SLC25A13: variants seen among roughly 807,000 people sequenced by gnomAD.
SLC25A13 encodes solute carrier family 25 member 13.
Under a neutral mutation model 85.5 loss-of-function variants are expected in SLC25A13, and 70 were observed. That is an observed-to-expected ratio of 0.82 (90% CI 0.68 to 1.00). The LOEUF (loss-of-function observed/expected upper bound fraction) is 1.00, where lower values mean the gene tolerates loss of function less well. Among genes scored for constraint, SLC25A13 ranks in the 50% least tolerant of loss-of-function variants. The pLI, the probability that SLC25A13 is intolerant of heterozygous loss-of-function variation, is 0.00. For synonymous variants in SLC25A13, 259 were observed against 288.7 expected (o/e 0.90, Z 1.04); for missense variants, 765 against 819.8 (o/e 0.93, Z 0.82).
chr7:96,163,658 T>C (rs1467696641), intron 13 of SLC25A13, among the ~76,000 whole-genome samples: 1 of 152,216 alleles, frequency 6.6e-6, no homozygotes, highest in African/African-American at 2.4e-5. Context: ...TGGCATGCAC[T>C]GTGGACACAG....
rs762899051 is a variant in SLC25A13, at chr7:96,296,933, C to T, written c.34G>A (p.Ala12Thr). Residue 12 changes from alanine (A) to threonine (T), a missense_variant, in exon 2 of 18, where the codon GCA (alanine) becomes ACA (threonine). Physicochemically the swap from Ala to Thr is moderately conservative, Grantham distance 58 (BLOSUM62 0). Coordinates refer to ENST00000265631, the MANE Select transcript of SLC25A13 (RefSeq NM_014251.3). ...AAAKVALTKR[A>T]DPAELRTIFL... ...ATTGTTCTAAGCTCAGCTGGATCTG[C>T]TCTCTTGGTTAAAGCCACCTATAAA... 6.2e-7 allele frequency: 1 copy of T among 1,613,638 alleles called. No individual in the cohort carries two copies. The highest frequency in any genetic ancestry group is 8.5e-7 in the Non-Finnish European group (1 of 1,179,666).
At chr7:96,163,841 A>T (rs1013213380) in intron 13 of SLC25A13, among the ~76,000 whole-genome samples, 3 of 152,122 alleles carry the variant, frequency 2.0e-5, no homozygotes, top group African/African-American at 7.2e-5. Flanking sequence ...CACCTATTCC[A>T]TTCCCCTTCA....
intron 13 of SLC25A13, among the ~76,000 whole-genome samples, chr7:96,164,421 T>A (rs965587522): frequency 1.3e-5 from 2 of 152,170 alleles, no homozygotes; most frequent in African/African-American, 4.8e-5. Context: ...GGAGGCAGCA[T>A]TAATGAAAAA....
rs1369221781 is a variant in SLC25A13, at chr7:96,230,292, G to C, written c.328+4510C>G. 2.0e-5 allele frequency among the ~76,000 whole-genome samples: 3 copies of C among 152,202 alleles called. No individual in the cohort carries two copies. The South Asian group carries it at 6.2e-4, about 31-fold the overall frequency. On this transcript the variant is annotated intron_variant, in intron 4 of 17. Coordinates refer to ENST00000265631, the MANE Select transcript of SLC25A13 (RefSeq NM_014251.3). Reference sequence around the variant, plus strand: ...AAAACAGGCAAAACCAATTGATAGTGATAAATGTCAGTTGTTACCATTGGG... The same window carrying C: ...AAAACAGGCAAAACCAATTGATAGTCATAAATGTCAGTTGTTACCATTGGG...
intron 2 of SLC25A13, among the ~76,000 whole-genome samples, chr7:96,278,721 C>A (rs1179696703): frequency 6.6e-6 from 1 of 152,152 alleles, no homozygotes; most frequent in Non-Finnish European, 1.5e-5. Flanking sequence ...TTACAGTTAA[C>A]ATTTTTTTTA....
chr7:96,212,684 G>C (rs1795746299), intron 4 of SLC25A13, among the ~76,000 whole-genome samples: 1 of 152,184 alleles, frequency 6.6e-6, no homozygotes, highest in African/African-American at 2.4e-5. Flanking sequence ...GGATCACTGA[G>C]ACATGATAGA....
At chr7:96,171,409 C>A in intron 12 of SLC25A13, 63 bp downstream of exon 12, 1 of 1,438,522 alleles carries the variant, frequency 7.0e-7, no homozygotes, top group Non-Finnish European at 9.8e-7. Context: ...TATAAGAATA[C>A]CTGCTAGATT....
At chr7:96,202,449 T>A (rs190480303) in intron 5 of SLC25A13, among the ~76,000 whole-genome samples, 10 of 152,168 alleles carry the variant, frequency 6.6e-5, no homozygotes. Flanking sequence ...TAGATAGGAT[T>A]TTTAGCCTCA....
Position 96,305,550 on chromosome 7 carries a change from G to A in SLC25A13, c.16-8599C>T, listed in dbSNP as rs577509927. On this transcript the variant is annotated intron_variant, in intron 1 of 17. Transcript: ENST00000265631. ...AATATAATTTGTTACATATTAGCAA[G>A]TGTCAAATTACTACTGCTCCTTAAA... 4.6e-5 allele frequency among the ~76,000 whole-genome samples: 7 copies of A among 152,224 alleles called. No individual in the cohort carries two copies. The East Asian group carries it at 9.7e-4, about 21-fold the overall frequency.
chr7:96,301,369 C>T (rs1045531568), intron 1 of SLC25A13, among the ~76,000 whole-genome samples: 5 of 152,088 alleles, frequency 3.3e-5, no homozygotes, highest in African/African-American at 1.2e-4. Flanking sequence ...ATTGTTATAA[C>T]TGCCTGATTT....
chr7:96,206,428 C>T (rs1795465253), intron 5 of SLC25A13, among the ~76,000 whole-genome samples: 1 of 152,188 alleles, frequency 6.6e-6, no homozygotes, highest in African/African-American at 2.4e-5. Context: ...AGGTCTGAAG[C>T]TCTACCTACA....
chr7:96,291,238 A>G (rs1246911935), intron 2 of SLC25A13, among the ~76,000 whole-genome samples: 2 of 152,224 alleles, frequency 1.3e-5, no homozygotes, highest in East Asian at 3.8e-4. Flanking sequence ...CAATGAGAAC[A>G]AAGACACAAC....
intron 5 of SLC25A13, among the ~76,000 whole-genome samples, chr7:96,206,305 C>T (rs1467178106): frequency 6.6e-6 from 1 of 152,164 alleles, no homozygotes; most frequent in African/African-American, 2.4e-5. Context: ...AGGCGGATAC[C>T]TGCCTGACAA....
intron 3 of SLC25A13, among the ~76,000 whole-genome samples, chr7:96,266,163 G>A (rs949302831): frequency 1.3e-5 from 2 of 152,176 alleles, no homozygotes; most frequent in African/African-American, 4.8e-5. Flanking sequence ...TCAACATGGT[G>A]AAAAAGGTAG....
intron 3 of SLC25A13, 63 bp downstream of exon 3, chr7:96,277,133 T>C (rs1035670699): frequency 6.0e-6 from 9 of 1,494,032 alleles, no homozygotes; most frequent in African/African-American, 5.6e-5. Context: ...TCCTGGTCAT[T>C]AGAGCAAAAG....
chr7:96,297,012 G>A lies in SLC25A13; in HGVS notation c.16-61C>T, dbSNP rs557320134. On this transcript the variant is annotated intron_variant, in intron 1 of 17. Transcript: ENST00000265631. ...ACAAAGCTGAGAAATCAAGCTAGCC[G>A]ACTAAAGGAAAATAAATCTCAGATT... 2.7e-3 allele frequency: 3,748 copies of A among 1,405,686 alleles called. 10 individuals carry two copies. Among genetic ancestry groups the A allele is most frequent in the Non-Finnish European group, 3.0e-3 (2,950 of 996,740 alleles). 87.1% of individuals were successfully genotyped at this position (1,405,686 alleles called of 1,614,324 possible). A position where few individuals can be genotyped will look rare whatever the true frequency, so the allele number is the denominator to read the frequency against.
At chr7:96,321,616 GGGTGCACCAGGCCCCA>G (rs1284033040) in intron 1 of SLC25A13, among the ~76,000 whole-genome samples, 1 of 152,170 alleles carries the variant, frequency 6.6e-6, no homozygotes, top group African/African-American at 2.4e-5. Context: ...TGCCGGCCCA[GGGTGCACCAGGCCCCA>G]GTCGCGCCCG....
intron 2 of SLC25A13, chr7:96,283,351 C>A: frequency 3.3e-6 from 1 of 303,692 alleles, no homozygotes; most frequent in South Asian, 3.6e-5. Context: ...AGTAATTCAC[C>A]AAAATGGGAT....
chr7:96,199,853 G>T (rs1795189332), intron 5 of SLC25A13, among the ~76,000 whole-genome samples: 1 of 152,010 alleles, frequency 6.6e-6, no homozygotes, highest in African/African-American at 2.4e-5. Context: ...TAACATTCGT[G>T]CTTCTAATAG....
Sources: allele counts gnomAD v4.1 joint callset (sites outside exome capture counted in the v4.1 genomes callset), GRCh38; gene constraint gnomAD v4.1.1; transcripts MANE v1.5; gene names NCBI Gene and HGNC (gene_info 2026-07-23, HGNC 2026-07-21).